Variants in TNFAIP8 observed in about 807,000 individuals in gnomAD.
TNFAIP8 encodes TNF alpha induced protein 8, also known as tumor necrosis factor alpha-induced protein 8.
Under a neutral mutation model 13.3 loss-of-function variants are expected in TNFAIP8, and 7 were observed. That is an observed-to-expected ratio of 0.52 (90% confidence interval 0.30 to 0.99). The LOEUF (loss-of-function observed/expected upper bound fraction) is 0.99. Among genes scored for constraint, TNFAIP8 ranks in the 50% least tolerant of loss-of-function variants. The pLI, the probability that TNFAIP8 is intolerant of heterozygous loss-of-function variation, is 0.07. For missense variants in TNFAIP8, 258 were observed against 236.9 expected (o/e 1.09, Z -0.58); for synonymous variants, 94 against 87.6 (o/e 1.07, Z -0.41).
chr5:119,336,991 C>G (rs1750572471), intron 1 of TNFAIP8, among the ~76,000 whole-genome samples: 2 of 152,216 alleles, frequency 1.3e-5, no homozygotes, highest in South Asian at 4.1e-4. Flanking sequence ...CCTCTGGACA[C>G]AGGCCAAATC....
intron 1 of TNFAIP8, among the ~76,000 whole-genome samples, chr5:119,334,972 A>G (rs1750505946): frequency 6.6e-6 from 1 of 152,194 alleles, no homozygotes; most frequent in Non-Finnish European, 1.5e-5. Context: ...TAAGCATTCA[A>G]GGGTAAGCAT....
chr5:119,351,648 G>A (rs1327923266), upstream of TNFAIP8, among the ~76,000 whole-genome samples: 2 of 152,136 alleles, frequency 1.3e-5, no homozygotes, highest in Non-Finnish European at 2.9e-5. Flanking sequence ...TCTGTACTCA[G>A]CACTTAAGGC....
chr5:119,286,678 C>A (rs1032212588), intron 1 of TNFAIP8, among the ~76,000 whole-genome samples: 7 of 151,710 alleles, frequency 4.6e-5, no homozygotes, highest in Non-Finnish European at 8.8e-5. Context: ...AGGGTATGGG[C>A]CTGCCCTGTG....
rs1184425083 is a variant in TNFAIP8, at chr5:119,320,585, A to G, written c.1+51678A>G. On this transcript the variant is annotated intron_variant, in intron 1 of 1. Transcript: ENST00000274456. ...TCTGTTAAGGTCACCAAAGACCTCC[A>G]TTTTAACAAATCCCATGGCCTGTTC... Among the ~76,000 whole-genome samples, 3 of 152,106 alleles carry G rather than the reference A, an allele frequency of 2.0e-5. No individual in the cohort carries two copies. The East Asian group carries it at 5.8e-4, about 29-fold the overall frequency.
chr5:119,271,901 C>A (rs1581557316), intron 1 of TNFAIP8, among the ~76,000 whole-genome samples: 1 of 152,176 alleles, frequency 6.6e-6, no homozygotes, highest in Admixed American at 6.5e-5. Context: ...TTTATGTTTC[C>A]CTCTGGCTAA....
intron 1 of TNFAIP8, among the ~76,000 whole-genome samples, chr5:119,340,835 G>A (rs1019442038): frequency 6.6e-6 from 1 of 152,110 alleles, no homozygotes. Context: ...ATTTTTAGTT[G>A]GATACCACAG....
At chr5:119,298,498 C>T (rs57736162) in intron 1 of TNFAIP8, among the ~76,000 whole-genome samples, 9,647 of 150,958 alleles carry the variant, frequency 0.064, 717 homozygotes, top group African/African-American at 0.18. Flanking sequence ...ATGGGCTTCC[C>T]TTTGTGGGTA....
chr5:119,378,756 C>A (rs1356639844), intron 1 of TNFAIP8, among the ~76,000 whole-genome samples: 1 of 152,182 alleles, frequency 6.6e-6, no homozygotes, highest in Non-Finnish European at 1.5e-5. Flanking sequence ...AAATGCATTT[C>A]TTTTACACAG....
chr5:119,393,826 T>G lies in TNFAIP8; in HGVS notation c.*445T>G, dbSNP rs1752994932. On this transcript the variant is annotated 3_prime_UTR_variant, in exon 2 of 2. Transcript: ENST00000504771. ...AACTTTCTCTTGCTATCATTGCTCC[T>G]TTTGAAACAATTCAATTTTCATGTC... is the stretch of plus-strand genomic sequence containing the variant. 1 of 158,394 alleles carries G rather than the reference T, an allele frequency of 6.3e-6. No individual in the cohort carries two copies. The highest frequency in any genetic ancestry group is 2.4e-5 in the African/African-American group (1 of 41,606). 9.8% of individuals were successfully genotyped at this position (158,394 alleles called of 1,614,324 possible).
At position 119,330,090 on chromosome 5, in the gene TNFAIP8, C is replaced by T. The variant is rs186367725; in HGVS notation, c.1+61183C>T. 1.6e-3 allele frequency among the ~76,000 whole-genome samples: 239 copies of T among 152,070 alleles called. 1 individual carries two copies. Among genetic ancestry groups the T allele is most frequent in the African/African-American group, 5.5e-3 (228 of 41,474 alleles). On this transcript the variant is annotated intron_variant, in intron 1 of 1. Coordinates refer to the TNFAIP8 transcript ENST00000274456. ...TAGAGGAGGGGGAAGCTATAATTAG[C>T]GCCATGGTTTAGGCACGCCATTGAA...
chr5:119,309,666 A>G (rs924050466), intron 1 of TNFAIP8, among the ~76,000 whole-genome samples: 1 of 152,184 alleles, frequency 6.6e-6, no homozygotes, highest in Non-Finnish European at 1.5e-5. Flanking sequence ...AGGGGAGGCA[A>G]TGTGGGAGCA....
In TNFAIP8 at chr5:119,321,863, C is replaced by T. The variant is rs541423712; in HGVS notation, c.1+52956C>T. Reference sequence around the variant, plus strand: ...CATTCCAACGGACAAACTCCCCACTCCTTACCAGGAGCTACAGGCTCCCCT... The same window carrying T: ...CATTCCAACGGACAAACTCCCCACTTCTTACCAGGAGCTACAGGCTCCCCT... On this transcript the variant is annotated intron_variant, in intron 1 of 1. Transcript: ENST00000274456. 1.5e-4 allele frequency among the ~76,000 whole-genome samples: 23 copies of T among 152,306 alleles called. No homozygotes were observed. In the South Asian group the frequency reaches 3.9e-3, roughly 26 times the overall value.
intron 1 of TNFAIP8, among the ~76,000 whole-genome samples, chr5:119,384,022 A>T (rs995845508): frequency 1.5e-4 from 23 of 152,306 alleles, no homozygotes; most frequent in African/African-American, 5.5e-4. Flanking sequence ...TCTTAAGCTC[A>T]TGTATTATAG....
intron 1 of TNFAIP8, among the ~76,000 whole-genome samples, chr5:119,367,264 G>A (rs891051335): frequency 1.3e-5 from 2 of 151,914 alleles, no homozygotes; most frequent in Non-Finnish European, 2.9e-5. Flanking sequence ...AATGCAATTC[G>A]GCCAAATTAA....
At chr5:119,315,692 G>C (rs1354015101) in intron 1 of TNFAIP8, among the ~76,000 whole-genome samples, 1 of 152,092 alleles carries the variant, frequency 6.6e-6, no homozygotes, top group Non-Finnish European at 1.5e-5. Context: ...GGAAGCATGT[G>C]GGCTGTTCAT....
rs1359494456 is a variant in TNFAIP8 at position 119,394,262 on chromosome 5, T to C, written c.*881T>C. 1 of 152,168 alleles carries C rather than the reference T, an allele frequency of 6.6e-6. No individual in the cohort carries two copies. Among genetic ancestry groups the C allele is most frequent in the Non-Finnish European group, 1.5e-5 (1 of 68,030 alleles). 9.4% of individuals were successfully genotyped at this position (152,168 alleles called of 1,614,324 possible). On this transcript the variant is annotated 3_prime_UTR_variant, in exon 2 of 2. Transcript: ENST00000504771. ...AATCTTCATTCTACAGATGAACTCATTGAAACAATTTAGGGGAATGAGGGG... is the reference window on the plus strand; with the variant it reads ...AATCTTCATTCTACAGATGAACTCACTGAAACAATTTAGGGGAATGAGGGG...
At chr5:119,355,570 C>T (rs1751362153), upstream of TNFAIP8, 1 of 572,994 alleles carries the variant, frequency 1.7e-6, no homozygotes, top group Admixed American at 3.2e-5. Flanking sequence ...GACTCCAAGA[C>T]AAAGTCAAAT....
intron 1 of TNFAIP8, among the ~76,000 whole-genome samples, chr5:119,286,704 A>G (rs576459667): frequency 6.6e-6 from 1 of 151,702 alleles, no homozygotes; most frequent in East Asian, 1.9e-4. Flanking sequence ...GTCATCTTGC[A>G]TTTGGGCAAT....
intron 1 of TNFAIP8, among the ~76,000 whole-genome samples, chr5:119,315,276 G>T (rs1428602527): frequency 6.6e-6 from 1 of 152,106 alleles, no homozygotes; most frequent in East Asian, 1.9e-4. Flanking sequence ...TAGGGACAGG[G>T]TTTCACCATG....
Sources: allele counts gnomAD v4.1 joint callset (sites outside exome capture counted in the v4.1 genomes callset), GRCh38; gene constraint gnomAD v4.1.1; transcripts MANE v1.5; gene names NCBI Gene and HGNC (gene_info 2026-07-23, HGNC 2026-07-21).